The following CREB3L2 variants were observed in gnomAD, a reference collection of about 807,000 sequenced individuals.
CREB3L2 encodes cyclic AMP-responsive element-binding protein 3-like protein 2.
CREB3L2 carries 23 observed loss-of-function variants against 57.2 expected under a neutral mutation model. The ratio of observed to expected loss-of-function variants is 0.40; its 90% CI spans 0.29 to 0.57. The LOEUF is 0.57. CREB3L2 is among the 20% of genes least tolerant of loss of function. The pLI, the probability that CREB3L2 is intolerant of heterozygous loss-of-function variation, is 0.42. For synonymous variants in CREB3L2, 268 were observed against 265.1 expected, an observed-to-expected ratio of 1.01 and a Z score of -0.11; for missense variants, 628 against 634.7, an observed-to-expected ratio of 0.99 and a Z score of 0.11.
chr7:137,894,526 T>G (rs1396710155), intron 8 of CREB3L2, among the ~76,000 whole-genome samples: 3 of 152,068 alleles, frequency 2.0e-5, no homozygotes, highest in Admixed American at 6.5e-5. Context: ...GCTTCAGGGG[T>G]GCCCACTGGT....
At chr7:137,947,591 C>A (rs1352469921) in intron 1 of CREB3L2, among the ~76,000 whole-genome samples, 1 of 152,126 alleles carries the variant, frequency 6.6e-6, no homozygotes, top group Non-Finnish European at 1.5e-5. Context: ...GGAAGTCAGA[C>A]TAAGATGGCG....
chr7:137,922,418 A>ATATATATATATATATATATATATATATG (rs1800331983), intron 2 of CREB3L2, among the ~76,000 whole-genome samples: 1 of 37,698 alleles, frequency 2.7e-5, no homozygotes, highest in African/African-American at 2.0e-4. Context: ...ATATATATGT[A>ATATATATATATATATATATATATATATG]TATATATATA....
chr7:137,946,308 T>C (rs938690440), intron 1 of CREB3L2, among the ~76,000 whole-genome samples: 1 of 151,894 alleles, frequency 6.6e-6, no homozygotes, highest in Admixed American at 6.6e-5. Flanking sequence ...AAAACGGAGA[T>C]TATCCTGAGC....
At chr7:137,964,270 C>T (rs1028278243) in intron 1 of CREB3L2, among the ~76,000 whole-genome samples, 2 of 152,172 alleles carry the variant, frequency 1.3e-5, no homozygotes, top group African/African-American at 4.8e-5. Context: ...GAGCCAAGAT[C>T]ATGTCATCGC....
rs896396537 is a variant in CREB3L2, at chr7:137,877,681, G to A, written c.*2795C>T. On this transcript the variant is annotated 3_prime_UTR_variant, in exon 12 of 12. Coordinates refer to ENST00000330387, the MANE Select transcript of CREB3L2 (RefSeq NM_194071.4). The stretch of plus-strand genomic sequence containing the variant: ...GATTGACTCTTTATGGCTTATGGCC[G>A]CTCTGACAGACTCGTATTTCTCAAA... 48 of 226,516 alleles carry A rather than the reference G, an allele frequency of 2.1e-4. No individual in the cohort carries two copies. The highest frequency in any genetic ancestry group is 1.4e-3 in the Middle Eastern group (1 of 738). The allele number at this position is 226,516 out of a possible 1,614,324, so 14.0% of individuals were successfully genotyped here. A position where few individuals can be genotyped will look rare whatever the true frequency, so the allele number is the denominator to read the frequency against.
chr7:137,946,814 TTATCTATA>T lies in CREB3L2; in HGVS notation c.103-18456_103-18449del, dbSNP rs1800993137. On this transcript the variant is annotated intron_variant, in intron 1 of 11. Transcript: ENST00000330387. ...TATAGTTATATATAGTTATATATAGTTATCTATATAGTTATCTATATATAGTTATCTAT... is the reference window on the plus strand; with the variant it reads ...TATAGTTATATATAGTTATATATAGTTAGTTATCTATATATAGTTATCTAT... Among the ~76,000 whole-genome samples the T allele has an allele frequency of 3.5e-5, 2 of 56,448 alleles. 1 individual carries two copies. The highest frequency in any genetic ancestry group is 6.8e-5 in the Non-Finnish European group (2 of 29,478). The allele number at this position is 56,448 out of a possible 152,430, so 37.0% of individuals were successfully genotyped here. A position where few individuals can be genotyped will look rare whatever the true frequency, so the allele number is the denominator to read the frequency against.
At chr7:137,990,773 C>A (rs1053755014) in intron 1 of CREB3L2, among the ~76,000 whole-genome samples, 10 of 152,152 alleles carry the variant, frequency 6.6e-5, no homozygotes, top group Non-Finnish European at 2.9e-5. Context: ...CAGTTTGAAT[C>A]CTGCAAGCTC....
chr7:137,898,762 C>T (rs934670379), intron 8 of CREB3L2, among the ~76,000 whole-genome samples: 1 of 151,912 alleles, frequency 6.6e-6, no homozygotes, highest in Non-Finnish European at 1.5e-5. Context: ...ACCAGGAAGA[C>T]TCTACAGGAC....
At chr7:137,888,021 C>G (rs1413168512) in intron 8 of CREB3L2, among the ~76,000 whole-genome samples, 1 of 152,196 alleles carries the variant, frequency 6.6e-6, no homozygotes, top group Non-Finnish European at 1.5e-5. Flanking sequence ...GGTGTGACCA[C>G]AGCTCACTGC....
intron 10 of CREB3L2, among the ~76,000 whole-genome samples, chr7:137,883,301 G>A (rs1264006816): frequency 1.3e-5 from 2 of 152,182 alleles, no homozygotes; most frequent in African/African-American, 4.8e-5. Context: ...CCTGCCTGGT[G>A]AAGACCACAG....
At chr7:137,961,947 C>T (rs1221890928) in intron 1 of CREB3L2, among the ~76,000 whole-genome samples, 1 of 152,072 alleles carries the variant, frequency 6.6e-6, no homozygotes, top group Non-Finnish European at 1.5e-5. Flanking sequence ...GGAAGTTCTT[C>T]TAGGAACTCA....
chr7:137,914,667 T>G (rs1383200666), intron 3 of CREB3L2, among the ~76,000 whole-genome samples: 2 of 151,940 alleles, frequency 1.3e-5, no homozygotes, highest in East Asian at 3.9e-4. Context: ...ACTAAAATTC[T>G]GTGGAGCAAG....
At chr7:137,967,814 G>A (rs1447114610) in intron 1 of CREB3L2, among the ~76,000 whole-genome samples, 2 of 152,146 alleles carry the variant, frequency 1.3e-5, no homozygotes, top group Non-Finnish European at 2.9e-5. Flanking sequence ...TTGGCCACCT[G>A]CATGAACTTC....
intron 2 of CREB3L2, among the ~76,000 whole-genome samples, chr7:137,917,786 T>C (rs1289711065): frequency 6.6e-6 from 1 of 152,248 alleles, no homozygotes; most frequent in Admixed American, 6.5e-5. Context: ...AGCCTCAATT[T>C]ATTTCCCAAG....
chr7:137,918,512 G>A (rs1800200420), intron 2 of CREB3L2, among the ~76,000 whole-genome samples: 1 of 152,096 alleles, frequency 6.6e-6, no homozygotes, highest in South Asian at 2.1e-4. Flanking sequence ...AACACTTAAA[G>A]CCTGCCCACA....
chr7:137,899,818 T>C (rs753913365), intron 8 of CREB3L2, among the ~76,000 whole-genome samples: 35 of 152,212 alleles, frequency 2.3e-4, no homozygotes, highest in Non-Finnish European at 3.8e-4. Context: ...CTTATGTCTA[T>C]ATTAGCTGGC....
At chr7:137,909,486 T>C (rs927386429) in intron 4 of CREB3L2, among the ~76,000 whole-genome samples, 1 of 152,214 alleles carries the variant, frequency 6.6e-6, no homozygotes, top group Non-Finnish European at 1.5e-5. Context: ...CAGCCACTGC[T>C]ACTGAGCCAA....
At chr7:137,932,481 C>T (rs190799065) in intron 1 of CREB3L2, among the ~76,000 whole-genome samples, 14 of 152,194 alleles carry the variant, frequency 9.2e-5, no homozygotes, top group Non-Finnish European at 1.6e-4. Flanking sequence ...ACCTGTAATC[C>T]CCACACTTTG....
chr7:137,922,415 T>TACATATATATAC (rs1491237233), intron 2 of CREB3L2, among the ~76,000 whole-genome samples: 1 of 23,158 alleles, frequency 4.3e-5, no homozygotes, highest in African/African-American at 1.4e-4. Flanking sequence ...TATATATATA[T>TACATATATATAC]GTATATATAT....
Sources: allele counts gnomAD v4.1 joint callset (sites outside exome capture counted in the v4.1 genomes callset), GRCh38; gene constraint gnomAD v4.1.1; transcripts MANE v1.5; gene names NCBI Gene and HGNC (gene_info 2026-07-23, HGNC 2026-07-21).